GRM8: variants seen among roughly 807,000 people sequenced by gnomAD.
The protein encoded by GRM8 is metabotropic glutamate receptor 8.
GRM8 carries 47 observed loss-of-function variants against 87.2 expected under a neutral mutation model. The observed-to-expected ratio is 0.54, with a 90% CI of 0.43 to 0.69. The LOEUF is 0.69. Among genes scored for constraint, GRM8 ranks in the 30% least tolerant of loss-of-function variants. The pLI, the probability that GRM8 is intolerant of heterozygous loss-of-function variation, is 0.00. For missense variants in GRM8, 1,019 were observed against 1,139.2 expected, an observed-to-expected ratio of 0.89 and a Z score of 1.52; for synonymous variants, 396 against 404.5, an observed-to-expected ratio of 0.98 and a Z score of 0.25.
At chr7:126,716,412 T>A (rs1364843074) in intron 7 of GRM8, among the ~76,000 whole-genome samples, 2 of 152,104 alleles carry the variant, frequency 1.3e-5, no homozygotes, top group African/African-American at 4.8e-5. Flanking sequence ...GTGTTGAAAT[T>A]CAGAAAGGGA....
intron 3 of GRM8, among the ~76,000 whole-genome samples, chr7:127,040,290 G>C (rs150950051): frequency 7.8e-4 from 119 of 152,170 alleles, no homozygotes; most frequent in African/African-American, 2.4e-3. Context: ...TGTTGGGTTT[G>C]TCAGTTTATT....
Position 126,973,863 on chromosome 7 carries a change from TA to T in GRM8, c.728-69181del, listed in dbSNP as rs1810684974. 2.0e-5 allele frequency among the ~76,000 whole-genome samples: 3 copies of T among 152,264 alleles called. No homozygotes were observed. The South Asian group carries it at 6.2e-4, about 32-fold the overall frequency. Reference sequence around the variant, plus strand: ...GAGTCTAAATAAAAAACGTCAACTATACAGAGAGAGTAGCAGTTAACTAGGA... The same window carrying T: ...GAGTCTAAATAAAAAACGTCAACTATCAGAGAGAGTAGCAGTTAACTAGGA... On this transcript the variant is annotated intron_variant, in intron 3 of 10. Coordinates refer to ENST00000339582, the MANE Select transcript of GRM8 (RefSeq NM_000845.3).
chr7:126,723,387 G>A (rs778097388), intron 7 of GRM8, among the ~76,000 whole-genome samples: 13 of 151,948 alleles, frequency 8.6e-5, no homozygotes, highest in East Asian at 5.8e-4. Flanking sequence ...GTAGACCTGC[G>A]GCCAACGGAA....
chr7:127,167,074 ATAG>A (rs1446695634), intron 2 of GRM8, among the ~76,000 whole-genome samples: 2 of 152,304 alleles, frequency 1.3e-5, no homozygotes, highest in African/African-American at 2.4e-5. Context: ...AAATCTGGGC[ATAG>A]AAGGTTTAGA....
intron 9 of GRM8, among the ~76,000 whole-genome samples, chr7:126,510,525 G>A (rs940410389): frequency 2.6e-5 from 4 of 151,966 alleles, no homozygotes; most frequent in African/African-American, 9.7e-5. Context: ...AATATCTGAA[G>A]GACTTTTGAA....
chr7:126,775,255 C>T (rs1283485312), intron 6 of GRM8, among the ~76,000 whole-genome samples: 2 of 152,094 alleles, frequency 1.3e-5, no homozygotes, highest in South Asian at 2.1e-4. Context: ...TGAATAAATA[C>T]ATTTATGCAT....
chr7:126,508,410 GC>G (rs1336241470), intron 9 of GRM8, among the ~76,000 whole-genome samples: 1 of 151,910 alleles, frequency 6.6e-6, no homozygotes, highest in Admixed American at 6.6e-5. Flanking sequence ...ATTCCTAAAA[GC>G]CCATTTAAAA....
chr7:126,891,403 T>C (rs1800992124), intron 6 of GRM8, among the ~76,000 whole-genome samples: 1 of 151,982 alleles, frequency 6.6e-6, no homozygotes, highest in South Asian at 2.1e-4. Flanking sequence ...CTTTCTAAGA[T>C]GGTGATTCTA....
At chr7:127,082,487 A>G (rs879466263) in intron 3 of GRM8, among the ~76,000 whole-genome samples, 2 of 152,038 alleles carry the variant, frequency 1.3e-5, no homozygotes, top group Non-Finnish European at 2.9e-5. Flanking sequence ...TTAGTTCTCA[A>G]TCCCACTCAA....
intron 9 of GRM8, among the ~76,000 whole-genome samples, chr7:126,521,625 C>T (rs1383377265): frequency 6.6e-6 from 1 of 151,894 alleles, no homozygotes; most frequent in Admixed American, 6.6e-5. Flanking sequence ...ATGCAAGGCA[C>T]TCAAAATTAC....
intron 7 of GRM8, among the ~76,000 whole-genome samples, chr7:126,706,920 T>G: frequency 6.6e-6 from 1 of 152,134 alleles, no homozygotes; most frequent in East Asian, 1.9e-4. Flanking sequence ...AAATGCTCAC[T>G]GGGGTCCTAG....
chr7:127,064,409 A>C (rs1437568291), intron 3 of GRM8, among the ~76,000 whole-genome samples: 2 of 151,672 alleles, frequency 1.3e-5, no homozygotes, highest in Non-Finnish European at 1.5e-5. Flanking sequence ...CGTTGGTTTG[A>C]AATCTGTTTT....
chr7:127,025,898 A>G (rs547571251), intron 3 of GRM8, among the ~76,000 whole-genome samples: 14 of 152,224 alleles, frequency 9.2e-5, no homozygotes, highest in Non-Finnish European at 1.5e-4. Flanking sequence ...CATGGGCACA[A>G]GGTGAAGGTT....
intron 2 of GRM8, among the ~76,000 whole-genome samples, chr7:127,225,270 C>T (rs11563401): frequency 0.017 from 2,526 of 152,282 alleles, 94 homozygotes; most frequent in East Asian, 0.13. Context: ...AGAGCTTTGC[C>T]TTGCATTGGT....
At chr7:126,504,580 T>C (rs1810152393) in intron 9 of GRM8, among the ~76,000 whole-genome samples, 1 of 152,030 alleles carries the variant, frequency 6.6e-6, no homozygotes, top group African/African-American at 2.4e-5. Flanking sequence ...TGAAATAATC[T>C]GTCTACCAAA....
rs553077167 is a variant in GRM8, at chr7:127,144,812, TC to T, written c.511-38101del. Among the ~76,000 whole-genome samples, 7 of 152,236 alleles carry T rather than the reference TC, an allele frequency of 4.6e-5. No individual in the cohort carries two copies. The South Asian group carries it at 1.2e-3, about 27-fold the overall frequency. The stretch of plus-strand genomic sequence containing the variant: ...ACATTTTACAGCTGATTAATTTCTG[TC>T]CTTCTTTCTCATATGCAAATACAAG... On this transcript the variant is annotated intron_variant, in intron 2 of 10. Coordinates refer to ENST00000339582, the MANE Select transcript of GRM8 (RefSeq NM_000845.3).
intron 9 of GRM8, among the ~76,000 whole-genome samples, chr7:126,485,833 C>T (rs768525276): frequency 2.6e-5 from 4 of 151,884 alleles, no homozygotes; most frequent in Non-Finnish European, 4.4e-5. Flanking sequence ...CCTCATTATA[C>T]TCCCTCCTTT....
At position 127,252,180 on chromosome 7, in the gene GRM8, G is replaced by C. The variant is rs1468264991; in HGVS notation, c.-312+617C>G. ...GATTCCACCAGGGCAGGTCCGGGAG[G>C]TCACCCAGGGCAGACGATCCGAGGC... On this transcript the variant is annotated intron_variant, in intron 1 of 10. Transcript: ENST00000339582. This position sits in a 1 kb window ranked among gnomAD's most constrained non-coding sequence, Gnocchi z 4.9. 6.6e-6 allele frequency: 1 copy of C among 152,190 alleles called. No homozygotes were observed. The highest frequency in any genetic ancestry group is 1.5e-5 in the Non-Finnish European group (1 of 68,110). 9.4% of individuals were successfully genotyped at this position (152,190 alleles called of 1,614,324 possible).
At chr7:126,804,385 C>T (rs570687649) in intron 6 of GRM8, among the ~76,000 whole-genome samples, 5 of 152,312 alleles carry the variant, frequency 3.3e-5, no homozygotes, top group East Asian at 1.9e-4. Context: ...AACTCTATCC[C>T]GCTTCATTGT....
Sources: allele counts gnomAD v4.1 joint callset (sites outside exome capture counted in the v4.1 genomes callset), GRCh38; gene constraint gnomAD v4.1.1; non-coding constraint Gnocchi (gnomAD v3.1); transcripts MANE v1.5; gene names NCBI Gene and HGNC (gene_info 2026-07-23, HGNC 2026-07-21).